The following CPXM2 variants were observed in gnomAD, a reference collection of about 807,000 sequenced individuals.
CPXM2 encodes the protein carboxypeptidase X, M14 family member 2.
A neutral mutation model predicts 86.1 loss-of-function variants in CPXM2; 66 were observed. The ratio of observed to expected loss-of-function variants is 0.77; its 90% CI spans 0.63 to 0.94. The LOEUF is 0.94. Ranked by LOEUF, CPXM2 falls within the 40% of genes least tolerant of loss-of-function variation. The probability of loss-of-function intolerance (pLI) is 0.00; values close to 1 mark genes in which losing one functional copy is unlikely to be tolerated. For missense variants in CPXM2, 948 were observed against 1,026.3 expected (o/e 0.92, Z 1.04); for synonymous variants, 388 against 400.2 (o/e 0.97, Z 0.36).
At chr10:123,774,414 G>C (rs898384300) in intron 7 of CPXM2, among the ~76,000 whole-genome samples, 9 of 152,300 alleles carry the variant, frequency 5.9e-5, no homozygotes, top group African/African-American at 1.7e-4. Flanking sequence ...TTTTATGGTG[G>C]GTTGAAATCT....
At position 123,746,668 on chromosome 10, in the gene CPXM2, A is replaced by G. The variant is rs945936204; in HGVS notation, c.*96T>C. 91 of 1,206,670 alleles carry G rather than the reference A, an allele frequency of 7.5e-5. No homozygotes were observed. The highest frequency in any genetic ancestry group is 1.2e-4 in the Admixed American group (6 of 49,342). 74.7% of individuals were successfully genotyped at this position (1,206,670 alleles called of 1,614,324 possible). ...CTCTCTTCCAGGCACTTCTTGAATT[A>G]CAGAGGAAACAACAGTGAGTGAGTC... On this transcript the variant is annotated 3_prime_UTR_variant, in exon 14 of 14. Transcript: ENST00000241305.
chr10:123,781,184 C>G (rs1481299989), intron 6 of CPXM2, among the ~76,000 whole-genome samples: 1 of 152,214 alleles, frequency 6.6e-6, no homozygotes, highest in African/African-American at 2.4e-5. Context: ...GCTGAAGCAC[C>G]CTGGCGGGTA....
At chr10:123,833,509 G>A (rs906118881) in intron 4 of CPXM2, among the ~76,000 whole-genome samples, 1 of 152,188 alleles carries the variant, frequency 6.6e-6, no homozygotes, top group Non-Finnish European at 1.5e-5. Context: ...GGTGCTCAGA[G>A]GTAAGATGAG....
chr10:123,778,895 C>G (rs1846868348), intron 7 of CPXM2, among the ~76,000 whole-genome samples: 3 of 152,336 alleles, frequency 2.0e-5, no homozygotes, highest in Admixed American at 6.5e-5. Flanking sequence ...AGCAAGACAG[C>G]AAGAAGATTT....
rs914651730 is a variant in CPXM2, at chr10:123,891,698, C to T, written c.-39G>A. On this transcript the variant is annotated 5_prime_UTR_variant, in exon 1 of 14. It adds an upstream start codon to the 5' untranslated region. Transcript: ENST00000241305. This position sits in a 1 kb window ranked among gnomAD's most constrained non-coding sequence, Gnocchi z 5.6. ...CGCGCCCAGGGCAGGGTCACGGTCA[C>T]CGGGGGCGCCGGGCGGGCTGCGGGC... The T allele has an allele frequency of 1.9e-5, 24 of 1,293,346 alleles. No homozygotes were observed. The highest frequency in any genetic ancestry group is 2.3e-5 in the Non-Finnish European group (24 of 1,024,312). 80.1% of individuals were successfully genotyped at this position (1,293,346 alleles called of 1,614,324 possible). A position where few individuals can be genotyped will look rare whatever the true frequency, so the allele number is the denominator to read the frequency against.
At position 123,746,713 on chromosome 10, in the gene CPXM2, G is replaced by C. The variant is rs1164070674; in HGVS notation, c.*51C>G. The C allele has an allele frequency of 6.3e-7, 1 of 1,575,344 alleles. No homozygotes were observed. Among genetic ancestry groups the C allele is most frequent in the Non-Finnish European group, 8.7e-7 (1 of 1,151,998 alleles). On this transcript the variant is annotated 3_prime_UTR_variant, in exon 14 of 14. Coordinates refer to ENST00000241305, the MANE Select transcript of CPXM2 (RefSeq NM_198148.3). ...TGAGTCCACTATGGAGCTACTACCA[G>C]GTTGGTTTAATTTGCATGGGTCCCA...
chr10:123,908,082 C>G (rs1286334566), intron 2 of CPXM2, among the ~76,000 whole-genome samples: 1 of 151,980 alleles, frequency 6.6e-6, no homozygotes, highest in East Asian at 1.9e-4. Flanking sequence ...AGTGGGGATG[C>G]TGGTAGACCA....
intron 2 of CPXM2, among the ~76,000 whole-genome samples, chr10:123,912,211 A>G (rs1471146552): frequency 4.1e-5 from 6 of 147,510 alleles, no homozygotes; most frequent in Non-Finnish European, 4.4e-5. Context: ...GTGACCAATT[A>G]TTATTTTAGA....
intron 2 of CPXM2, among the ~76,000 whole-genome samples, chr10:123,907,892 A>G (rs1310075576): frequency 1.3e-5 from 2 of 152,150 alleles, no homozygotes; most frequent in Non-Finnish European, 2.9e-5. Context: ...CTTTTGATAA[A>G]CATTTTAAAA....
rs146403437 is a variant in CPXM2 at position 123,845,209 on chromosome 10, G to A, written c.514-2721C>T. Among the ~76,000 whole-genome samples, 107 of 152,104 alleles carry A rather than the reference G, an allele frequency of 7.0e-4. No individual in the cohort carries two copies. In the East Asian group the frequency reaches 0.013, roughly 18 times the overall value. ...TAGGCACAGAGGAGGCAGGGGTGCC[G>A]TGATGGATGAAAACAGTAACCTCTG... On this transcript the variant is annotated intron_variant, in intron 3 of 13. Coordinates refer to ENST00000241305, the MANE Select transcript of CPXM2 (RefSeq NM_198148.3).
intron 2 of CPXM2, among the ~76,000 whole-genome samples, chr10:123,900,592 G>A (rs1053279030): frequency 1.5e-4 from 23 of 152,248 alleles, no homozygotes; most frequent in African/African-American, 5.1e-4. Flanking sequence ...TGGAGTTTTG[G>A]GGCACCCCAG....
At chr10:123,831,784 C>G (rs973342630) in intron 4 of CPXM2, among the ~76,000 whole-genome samples, 1 of 152,072 alleles carries the variant, frequency 6.6e-6, no homozygotes, top group Non-Finnish European at 1.5e-5. Flanking sequence ...CTAGTGATTA[C>G]ATTGGGCCTA....
intron 4 of CPXM2, among the ~76,000 whole-genome samples, chr10:123,819,018 A>G (rs546889610): frequency 5.3e-4 from 81 of 152,210 alleles, no homozygotes; most frequent in African/African-American, 1.9e-3. Context: ...CAGAGGGAGG[A>G]ATGCTGCCAC....
rs142795574 is a variant in CPXM2 at position 123,906,774 on chromosome 10, C to T, written n.175-26465G>A. On this transcript the variant is annotated intron_variant and non_coding_transcript_variant, in intron 2 of 19. Coordinates refer to the CPXM2 transcript ENST00000368854. Reference sequence around the variant, plus strand: ...ACATGGCCTCAGGATTCAAGCCATCCCCATGCACTTTTAGGAGAGAAAGCA... The same window carrying T: ...ACATGGCCTCAGGATTCAAGCCATCTCCATGCACTTTTAGGAGAGAAAGCA... Among the ~76,000 whole-genome samples, 793 of 152,250 alleles carry T rather than the reference C, an allele frequency of 5.2e-3. 8 individuals are homozygous for T. The highest frequency in any genetic ancestry group is 0.018 in the African/African-American group (734 of 41,548).
intron 3 of CPXM2, 55 bp downstream of exon 3, chr10:123,862,559 G>A: frequency 2.0e-6 from 3 of 1,467,424 alleles, no homozygotes; most frequent in Non-Finnish European, 1.9e-6. Context: ...CAAGCTCAAG[G>A]AACCAGAGCA....
At chr10:123,830,364 C>T (rs986199575) in intron 4 of CPXM2, among the ~76,000 whole-genome samples, 7 of 152,182 alleles carry the variant, frequency 4.6e-5, no homozygotes, top group South Asian at 4.1e-4. Context: ...CCTTCTCCCT[C>T]CAACTCCCCA....
chr10:123,933,492 C>T lies in CPXM2; in HGVS notation n.174+5985G>A, dbSNP rs529400141. Among the ~76,000 whole-genome samples the T allele has an allele frequency of 5.9e-5, 9 of 152,202 alleles. No individual in the cohort carries two copies. In the South Asian group the frequency reaches 6.2e-4, roughly 11 times the overall value. On this transcript the variant is annotated intron_variant and non_coding_transcript_variant, in intron 2 of 19. Transcript: ENST00000368854. Reference sequence around the variant, plus strand: ...TCAGCACTTGGGAGGCCAAGGTGGGCGGGTCACTTGAGGTCAGGAGTTTGA... The same window carrying T: ...TCAGCACTTGGGAGGCCAAGGTGGGTGGGTCACTTGAGGTCAGGAGTTTGA...
intron 2 of CPXM2, among the ~76,000 whole-genome samples, chr10:123,930,084 C>T (rs1348876699): frequency 6.6e-6 from 1 of 152,184 alleles, no homozygotes; most frequent in East Asian, 1.9e-4. Flanking sequence ...CACGCAGCCA[C>T]CAGCCTGGTC....
chr10:123,775,819 T>C (rs552952103), intron 7 of CPXM2, among the ~76,000 whole-genome samples: 40 of 152,258 alleles, frequency 2.6e-4, no homozygotes, highest in African/African-American at 9.1e-4. Context: ...AGGAAGCATC[T>C]CTCCAGTGGC....
Sources: gnomAD v4.1 joint callset for allele counts (sites outside exome capture counted in the v4.1 genomes callset) on GRCh38, gnomAD v4.1.1 for gene constraint, Gnocchi (gnomAD v3.1) non-coding constraint, MANE v1.5 for transcripts, NCBI Gene and HGNC (gene_info 2026-07-23, HGNC 2026-07-21) for gene names.